Variants in NR6A1 observed in about 807,000 individuals in gnomAD.
The protein encoded by NR6A1 is nuclear receptor subfamily 6 group A member 1, also known as retinoic acid receptor-related testis-associated receptor.
Under a neutral mutation model 59.1 loss-of-function variants are expected in NR6A1, and 7 were observed. That is an observed-to-expected ratio of 0.12 (90% CI 0.07 to 0.22). NR6A1 has a LOEUF of 0.22. NR6A1 is among the 10% of genes least tolerant of loss of function. NR6A1 has a pLI of 1.00. For synonymous variants in NR6A1, 243 were observed against 236.1 expected (o/e 1.03, Z -0.27); for missense variants, 468 against 611.6 (o/e 0.77, Z 2.48).
chr9:124,771,140 C>A lies in NR6A1; in HGVS notation c.-21G>T. On this transcript the variant is annotated 5_prime_UTR_variant, in exon 1 of 10. Transcript: ENST00000487099. ...TCCATGCGGTGGTGCCTAGGGTCCG[C>A]GCCGGGTTTGTTGCTCCGCCATGAC... is the stretch of plus-strand genomic sequence containing the variant. 8.3e-7 allele frequency: 1 copy of A among 1,207,658 alleles called. No individual in the cohort carries two copies. 74.8% of individuals were successfully genotyped at this position (1,207,658 alleles called of 1,614,324 possible). A position where few individuals can be genotyped will look rare whatever the true frequency, so the allele number is the denominator to read the frequency against.
intron 2 of NR6A1, among the ~76,000 whole-genome samples, chr9:124,637,744 T>C (rs527755405): frequency 6.6e-6 from 1 of 151,748 alleles, no homozygotes; most frequent in South Asian, 2.1e-4. Flanking sequence ...TATGAAAAAT[T>C]AGCCGGGTGT....
In NR6A1 at chr9:124,587,427, G is replaced by T. The variant is rs567528679; in HGVS notation, c.143-32857C>A. 1.1e-3 allele frequency among the ~76,000 whole-genome samples: 172 copies of T among 152,306 alleles called. 1 individual carries two copies. The highest frequency in any genetic ancestry group is 3.7e-3 in the African/African-American group (155 of 41,564). On this transcript the variant is annotated intron_variant, in intron 2 of 9. Transcript: ENST00000487099. ...TGACAAACTGGTGAGCCAGCCCAGAGACCTTGTGCCAATGCTCAAAGCTCA... is the reference window on the plus strand; with the variant it reads ...TGACAAACTGGTGAGCCAGCCCAGATACCTTGTGCCAATGCTCAAAGCTCA...
chr9:124,594,583 T>C (rs1046776953), intron 2 of NR6A1, among the ~76,000 whole-genome samples: 3 of 152,220 alleles, frequency 2.0e-5, no homozygotes, highest in African/African-American at 7.2e-5. Context: ...AGAATTTCTA[T>C]GCATACTGGG....
At position 124,543,869 on chromosome 9, in the gene NR6A1, G is replaced by A. The variant is rs1357652026; in HGVS notation, c.386-12C>T. 2 of 1,613,100 alleles carry A rather than the reference G, an allele frequency of 1.2e-6. No homozygotes were observed. Among genetic ancestry groups the A allele is most frequent in the Admixed American group, 1.7e-5 (1 of 59,970 alleles). On this transcript the variant is annotated splice_polypyrimidine_tract_variant and intron_variant, in intron 3 of 9. Transcript: ENST00000487099. The stretch of plus-strand genomic sequence containing the variant: ...ATCTTCTCTGATAGCTGGAAGGAAA[G>A]ATAAGTCAAGAAAGGCAGTCAGAAG...
chr9:124,683,799 T>C (rs1023000814), intron 2 of NR6A1, among the ~76,000 whole-genome samples: 6 of 151,970 alleles, frequency 3.9e-5, no homozygotes, highest in Admixed American at 1.3e-4. Context: ...ATCTCAAAAA[T>C]AAAAAAATAT....
intron 2 of NR6A1, among the ~76,000 whole-genome samples, chr9:124,689,415 A>C (rs74505507): frequency 2.0e-4 from 6 of 30,134 alleles, no homozygotes; most frequent in African/African-American, 1.4e-3. Context: ...TTTTAAAGGG[A>C]AAAAAAGCAA....
chr9:124,675,875 C>G (rs540529401), intron 2 of NR6A1, among the ~76,000 whole-genome samples: 23 of 152,136 alleles, frequency 1.5e-4, no homozygotes, highest in Non-Finnish European at 2.9e-4. Context: ...AAGCGTTCTC[C>G]AAGAGAGGCT....
At chr9:124,663,494 A>T (rs537752728) in intron 2 of NR6A1, among the ~76,000 whole-genome samples, 1 of 152,240 alleles carries the variant, frequency 6.6e-6, no homozygotes, top group South Asian at 2.1e-4. Flanking sequence ...CAGACTCTTC[A>T]TTCATAAAAT....
intron 2 of NR6A1, among the ~76,000 whole-genome samples, chr9:124,635,332 C>T (rs1282389614): frequency 2.0e-5 from 3 of 152,140 alleles, no homozygotes; most frequent in South Asian, 2.1e-4. Context: ...GTGTCAAGGG[C>T]GGGACCAGGT....
At chr9:124,630,950 G>A (rs1010374035) in intron 2 of NR6A1, among the ~76,000 whole-genome samples, 3 of 152,100 alleles carry the variant, frequency 2.0e-5, no homozygotes, top group Non-Finnish European at 2.9e-5. Context: ...TGGGATTACA[G>A]GCGTGAGCCA....
At chr9:124,569,645 A>C (rs1834382289) in intron 2 of NR6A1, among the ~76,000 whole-genome samples, 1 of 152,214 alleles carries the variant, frequency 6.6e-6, no homozygotes, top group Admixed American at 6.5e-5. Flanking sequence ...GACTGACTCC[A>C]ATCAGTTTCA....
intron 2 of NR6A1, among the ~76,000 whole-genome samples, chr9:124,697,323 A>G (rs1838797988): frequency 6.6e-6 from 1 of 152,228 alleles, no homozygotes; most frequent in Non-Finnish European, 1.5e-5. Context: ...ACAAAAGTAT[A>G]TAACGTAAAA....
At chr9:124,657,157 T>C (rs1837283540) in intron 2 of NR6A1, among the ~76,000 whole-genome samples, 1 of 152,176 alleles carries the variant, frequency 6.6e-6, no homozygotes. Context: ...CTTTCGAACA[T>C]TCTTATATCT....
At chr9:124,618,961 C>T (rs1421832265) in intron 2 of NR6A1, among the ~76,000 whole-genome samples, 1 of 152,162 alleles carries the variant, frequency 6.6e-6, no homozygotes, top group East Asian at 1.9e-4. Flanking sequence ...CACCAAGATT[C>T]AAATGGATAA....
intron 2 of NR6A1, among the ~76,000 whole-genome samples, chr9:124,564,996 T>A (rs180775947): frequency 6.3e-4 from 96 of 152,272 alleles, no homozygotes; most frequent in Middle Eastern, 3.4e-3. Context: ...TGGGGCAATT[T>A]GATATCTATA....
chr9:124,599,447 A>G (rs928038171), intron 2 of NR6A1: 38 of 422,568 alleles, frequency 9.0e-5, no homozygotes, highest in African/African-American at 7.2e-4. Context: ...GTTCCTCTTC[A>G]TCTTCCTCCA....
At chr9:124,706,027 C>T (rs927643763) in intron 2 of NR6A1, among the ~76,000 whole-genome samples, 18 of 152,214 alleles carry the variant, frequency 1.2e-4, no homozygotes, top group Non-Finnish European at 2.5e-4. Context: ...CCACCTGCCT[C>T]GGCCTCCCAA....
intron 1 of NR6A1, among the ~76,000 whole-genome samples, chr9:124,760,172 C>T (rs1477452170): frequency 7.9e-5 from 12 of 151,852 alleles, no homozygotes; most frequent in African/African-American, 2.4e-4. Context: ...ATTAGTCAGG[C>T]ATGGTGGCGG....
intron 2 of NR6A1, among the ~76,000 whole-genome samples, chr9:124,723,681 A>G (rs529284203): frequency 2.0e-5 from 3 of 152,266 alleles, no homozygotes; most frequent in Non-Finnish European, 4.4e-5. Context: ...CTAGAACAGT[A>G]TACACTTAAT....
Sources: allele counts gnomAD v4.1 joint callset (sites outside exome capture counted in the v4.1 genomes callset), GRCh38; gene constraint gnomAD v4.1.1; transcripts MANE v1.5; gene names NCBI Gene and HGNC (gene_info 2026-07-23, HGNC 2026-07-21).